The following PPP2R5C variants were observed in gnomAD, a reference collection of about 807,000 sequenced individuals.
The protein encoded by PPP2R5C is serine/threonine-protein phosphatase 2A 56 kDa regulatory subunit gamma isoform.
PPP2R5C carries 7 observed loss-of-function variants against 68.9 expected under a neutral mutation model. That is an observed-to-expected ratio of 0.10 (90% CI 0.06 to 0.19). The LOEUF is 0.19. Ranked by LOEUF, PPP2R5C falls within the 10% of genes least tolerant of loss-of-function variation. The probability of loss-of-function intolerance (pLI) is 1.00; values close to 1 mark genes in which losing one functional copy is unlikely to be tolerated. For missense variants in PPP2R5C, 348 were observed against 641.3 expected, an observed-to-expected ratio of 0.54 and a Z score of 4.94; for synonymous variants, 210 against 222.2, an observed-to-expected ratio of 0.95 and a Z score of 0.49.
chr14:101,806,990 T>C (rs1430875458), upstream of PPP2R5C, among the ~76,000 whole-genome samples: 1 of 152,184 alleles, frequency 6.6e-6, no homozygotes, highest in Non-Finnish European at 1.5e-5. Context: ...AAATTTGTCA[T>C]TTTTAATATG....
intron 2 of PPP2R5C, among the ~76,000 whole-genome samples, chr14:101,763,541 C>A (rs1053442428): frequency 3.9e-5 from 6 of 152,116 alleles, no homozygotes; most frequent in Non-Finnish European, 7.3e-5. Context: ...CGCTACCACG[C>A]CCGGCTAATT....
intron 2 of PPP2R5C, among the ~76,000 whole-genome samples, chr14:101,763,476 G>A (rs1029934373): frequency 2.0e-5 from 3 of 151,938 alleles, no homozygotes; most frequent in Admixed American, 1.3e-4. Context: ...TCTGCCTCCC[G>A]AGTTCAAGCA....
intron 2 of PPP2R5C, among the ~76,000 whole-genome samples, chr14:101,779,865 T>A (rs1273979824): frequency 6.6e-6 from 1 of 152,080 alleles, no homozygotes; most frequent in Non-Finnish European, 1.5e-5. Context: ...TGAGGGAAGG[T>A]GTTCTGATTG....
chr14:101,863,044 A>G (rs1360053645), intron 2 of PPP2R5C, among the ~76,000 whole-genome samples: 1 of 152,094 alleles, frequency 6.6e-6, no homozygotes, highest in Non-Finnish European at 1.5e-5. Context: ...GCAGTGGCTC[A>G]TGCCTGTAAT....
intron 1 of PPP2R5C, among the ~76,000 whole-genome samples, chr14:101,762,469 G>C (rs1420464028): frequency 6.6e-6 from 1 of 152,072 alleles, no homozygotes; most frequent in Non-Finnish European, 1.5e-5. Context: ...GGGTGGCGGC[G>C]GCGGTGAGGG....
intron 11 of PPP2R5C, among the ~76,000 whole-genome samples, chr14:101,910,693 C>T (rs915031019): frequency 7.1e-4 from 107 of 151,692 alleles, no homozygotes; most frequent in African/African-American, 2.5e-3. Context: ...AAGGGCCAGG[C>T]GTGGTGGCTC....
chr14:101,906,717 A>G lies in PPP2R5C; in HGVS notation c.1151+188A>G, dbSNP rs1170368369. 1 of 706,312 alleles carries G rather than the reference A, an allele frequency of 1.4e-6. No individual in the cohort carries two copies. Among genetic ancestry groups the G allele is most frequent in the East Asian group, 2.9e-5 (1 of 34,034 alleles). 43.8% of individuals were successfully genotyped at this position (706,312 alleles called of 1,614,324 possible). A position where few individuals can be genotyped will look rare whatever the true frequency, so the allele number is the denominator to read the frequency against. On this transcript the variant is annotated intron_variant, in intron 10 of 13. Coordinates refer to ENST00000334743, the Ensembl canonical transcript of PPP2R5C. The surrounding 1 kb of genome is among the most constrained non-coding windows in gnomAD (Gnocchi z 4.0). ...CTGTGGCCGTTGAATTTACCACCTTATACCTTCATTCCTGCCAGTATAGAG... is the reference window on the plus strand; with the variant it reads ...CTGTGGCCGTTGAATTTACCACCTTGTACCTTCATTCCTGCCAGTATAGAG...
chr14:101,903,792 C>T (rs1429994181), intron 9 of PPP2R5C, among the ~76,000 whole-genome samples: 4 of 151,904 alleles, frequency 2.6e-5, no homozygotes, highest in South Asian at 4.2e-4. Context: ...TCTCCTGCCT[C>T]GGCCTCCCGA....
At chr14:101,911,834 A>C (rs994392908) in intron 11 of PPP2R5C, among the ~76,000 whole-genome samples, 3 of 151,942 alleles carry the variant, frequency 2.0e-5, no homozygotes, top group African/African-American at 7.3e-5. Context: ...CAGTGAGCCA[A>C]GATCCTGCTA....
Position 101,924,445 on chromosome 14 carries a change from C to CTTTTTTTTTTTTTTT in PPP2R5C, c.1444-684_1444-683insTTTTTTTTTTTTTTT, listed in dbSNP as rs11325673. On this transcript the variant is annotated intron_variant, in intron 13 of 13. Coordinates refer to ENST00000334743, the Ensembl canonical transcript of PPP2R5C. Reference sequence around the variant, plus strand: ...TTTACCTCCAAGGAAATTTCTACATCTTTTTTTTTTTTGAGATGGAGTCTG... The same window carrying CTTTTTTTTTTTTTTT: ...TTTACCTCCAAGGAAATTTCTACATCTTTTTTTTTTTTTTTTTTTTTTTTTTTGAGATGGAGTCTG... Among the ~76,000 whole-genome samples the CTTTTTTTTTTTTTTT allele has an allele frequency of 3.0e-3, 256 of 84,416 alleles. 52 individuals are homozygous for CTTTTTTTTTTTTTTT. The highest frequency in any genetic ancestry group is 5.0e-3 in the Admixed American group (44 of 8,754). The allele number at this position is 84,416 out of a possible 152,430, so 55.4% of individuals were successfully genotyped here. A position where few individuals can be genotyped will look rare whatever the true frequency, so the allele number is the denominator to read the frequency against.
chr14:101,908,900 GT>G (rs965576011), intron 10 of PPP2R5C, among the ~76,000 whole-genome samples: 4 of 152,120 alleles, frequency 2.6e-5, no homozygotes, highest in Non-Finnish European at 4.4e-5. Flanking sequence ...TGAGGGTTAC[GT>G]TTTTTGGGAT....
rs28647737 is a variant in PPP2R5C, at chr14:101,792,188, T to C, written c.259+6005T>C. Among the ~76,000 whole-genome samples, 594 of 152,360 alleles carry C rather than the reference T, an allele frequency of 3.9e-3. 8 individuals carry two copies. Among genetic ancestry groups the C allele is most frequent in the African/African-American group, 0.014 (562 of 41,586 alleles). Reference sequence around the variant, plus strand: ...GAGATAGTGACATTATTGTGAGAGATGCATAGCCTCTGGTTGCCTATCATC... The same window carrying C: ...GAGATAGTGACATTATTGTGAGAGACGCATAGCCTCTGGTTGCCTATCATC... On this transcript the variant is annotated intron_variant, in intron 3 of 14. Transcript: ENST00000328724.
intron 3 of PPP2R5C, among the ~76,000 whole-genome samples, chr14:101,787,383 G>C (rs1169663471): frequency 6.6e-6 from 1 of 152,164 alleles, no homozygotes; most frequent in Non-Finnish European, 1.5e-5. Context: ...GAGGAAGGGA[G>C]GCTGGGTGGA....
At chr14:101,851,171 C>T (rs2042136046) in intron 1 of PPP2R5C, among the ~76,000 whole-genome samples, 1 of 152,158 alleles carries the variant, frequency 6.6e-6, no homozygotes. Context: ...TGGCTCACAC[C>T]CGTCATCCCA....
In PPP2R5C at chr14:101,781,235, G is replaced by A. The variant is rs1022164186; in HGVS notation, c.94-4783G>A. Among the ~76,000 whole-genome samples the A allele has an allele frequency of 3.3e-5, 5 of 152,210 alleles. No individual in the cohort carries two copies. The highest frequency in any genetic ancestry group is 9.7e-5 in the African/African-American group (4 of 41,446). On this transcript the variant is annotated intron_variant, in intron 2 of 14. Transcript: ENST00000328724. This position sits in a 1 kb window ranked among gnomAD's most constrained non-coding sequence, Gnocchi z 6.4. ...ACCAGCGGTGTTGGTGGTGTCTGGT[G>A]CCCAGGAGGAGGGCTTGTTTACAGC... is the stretch of plus-strand genomic sequence containing the variant.
intron 2 of PPP2R5C, among the ~76,000 whole-genome samples, chr14:101,862,237 AT>A (rs1474112889): frequency 2.0e-5 from 3 of 152,252 alleles, no homozygotes; most frequent in Non-Finnish European, 4.4e-5. Context: ...GTTTTGGAAA[AT>A]TTGTATGCAC....
intron 1 of PPP2R5C, among the ~76,000 whole-genome samples, chr14:101,838,770 A>G (rs947593926): frequency 6.7e-6 from 1 of 149,308 alleles, no homozygotes; most frequent in Non-Finnish European, 1.5e-5. Flanking sequence ...TTGGCTGGGC[A>G]TGGTGGCTCA....
At chr14:101,772,919 A>G (rs1207980233) in intron 2 of PPP2R5C, among the ~76,000 whole-genome samples, 2 of 152,180 alleles carry the variant, frequency 1.3e-5, no homozygotes, top group Admixed American at 6.5e-5. Flanking sequence ...GAATGGGGCC[A>G]CTGTCCAGAA....
intron 2 of PPP2R5C, among the ~76,000 whole-genome samples, chr14:101,867,506 G>A (rs960971487): frequency 6.6e-5 from 10 of 152,138 alleles, no homozygotes; most frequent in Middle Eastern, 3.2e-3. Context: ...GGCCAGGCGC[G>A]GTAGCTCATG....
Sources: allele counts gnomAD v4.1 joint callset (sites outside exome capture counted in the v4.1 genomes callset), GRCh38; gene constraint gnomAD v4.1.1; non-coding constraint Gnocchi (gnomAD v3.1); transcripts MANE v1.5; gene names NCBI Gene and HGNC (gene_info 2026-07-23, HGNC 2026-07-21).